The following DAP variants were observed in gnomAD, a reference collection of about 807,000 sequenced individuals.
DAP encodes death-associated protein 1.
Under a neutral mutation model 13.8 loss-of-function variants are expected in DAP, and 8 were observed. The ratio of observed to expected loss-of-function variants is 0.58; its 90% confidence interval spans 0.34 to 1.05. The LOEUF (loss-of-function observed/expected upper bound fraction) is 1.05. Ranked by LOEUF, DAP falls within the 50% of genes least tolerant of loss-of-function variation. The probability of loss-of-function intolerance (pLI) is 0.03; values close to 1 mark genes in which losing one functional copy is unlikely to be tolerated. For missense variants in DAP, 106 were observed against 133.2 expected, an observed-to-expected ratio of 0.80 and a Z score of 1.01; for synonymous variants, 47 against 47.5, an observed-to-expected ratio of 0.99 and a Z score of 0.04.
chr5:10,715,756 G>C (rs1447671051), intron 2 of DAP, among the ~76,000 whole-genome samples: 1 of 152,222 alleles, frequency 6.6e-6, no homozygotes, highest in African/African-American at 2.4e-5. Flanking sequence ...TAGGCAGGGA[G>C]GCTGTTAGCC....
chr5:10,752,682 A>G (rs1246503081), intron 1 of DAP, among the ~76,000 whole-genome samples: 2 of 152,186 alleles, frequency 1.3e-5, no homozygotes, highest in African/African-American at 4.8e-5. Context: ...AAGTGTGTGC[A>G]CATGTGTGCA....
At chr5:10,713,643 C>T (rs1293934416) in intron 2 of DAP, among the ~76,000 whole-genome samples, 1 of 152,224 alleles carries the variant, frequency 6.6e-6, no homozygotes, top group Non-Finnish European at 1.5e-5. Flanking sequence ...CCCAAGTCTC[C>T]TGCCCCAAGC....
chr5:10,714,538 T>C (rs988974906), intron 2 of DAP, among the ~76,000 whole-genome samples: 2 of 151,956 alleles, frequency 1.3e-5, no homozygotes, highest in Non-Finnish European at 2.9e-5. Context: ...GTAATACAAA[T>C]AAAAACAAAG....
intron 2 of DAP, among the ~76,000 whole-genome samples, chr5:10,685,844 T>C (rs1387854435): frequency 6.6e-6 from 1 of 152,198 alleles, no homozygotes; most frequent in Non-Finnish European, 1.5e-5. Flanking sequence ...GGGAATTAGC[T>C]TCCTCACCAA....
intron 2 of DAP, among the ~76,000 whole-genome samples, chr5:10,740,514 T>C (rs1345430013): frequency 6.6e-6 from 1 of 151,992 alleles, no homozygotes; most frequent in Non-Finnish European, 1.5e-5. Flanking sequence ...AAAACAGAAA[T>C]AAAGAGAAAA....
intron 2 of DAP, among the ~76,000 whole-genome samples, chr5:10,717,227 T>C (rs1739012700): frequency 6.6e-6 from 1 of 152,172 alleles, no homozygotes; most frequent in Admixed American, 6.5e-5. Flanking sequence ...GAACCTCAAA[T>C]CTGCTAAGAT....
At chr5:10,700,821 C>G (rs1251180069) in intron 2 of DAP, among the ~76,000 whole-genome samples, 1 of 152,234 alleles carries the variant, frequency 6.6e-6, no homozygotes, top group African/African-American at 2.4e-5. Flanking sequence ...ACCCAGGGCC[C>G]TTGTTTCTCT....
chr5:10,737,728 T>G (rs1285267561), intron 2 of DAP, among the ~76,000 whole-genome samples: 1 of 152,214 alleles, frequency 6.6e-6, no homozygotes, highest in Non-Finnish European at 1.5e-5. Context: ...AAAATTGCTA[T>G]AGATCACCAT....
chr5:10,733,046 C>T (rs967977225), intron 2 of DAP, among the ~76,000 whole-genome samples: 13 of 152,120 alleles, frequency 8.5e-5, no homozygotes, highest in Admixed American at 8.5e-4. Context: ...TCATGCAGTA[C>T]TTTTCCTTTG....
intron 2 of DAP, among the ~76,000 whole-genome samples, chr5:10,721,957 G>A (rs1046735993): frequency 6.6e-6 from 1 of 152,186 alleles, no homozygotes; most frequent in African/African-American, 2.4e-5. Flanking sequence ...CTAATCTTAT[G>A]TAATAGTATT....
At chr5:10,755,982 T>C (rs571550404) in intron 1 of DAP, among the ~76,000 whole-genome samples, 4 of 152,332 alleles carry the variant, frequency 2.6e-5, no homozygotes, top group Middle Eastern at 3.4e-3. Flanking sequence ...ACCTTGTGTC[T>C]ACACAAAATA....
intron 1 of DAP, among the ~76,000 whole-genome samples, chr5:10,757,799 G>A (rs751023569): frequency 4.1e-4 from 63 of 152,110 alleles, no homozygotes; most frequent in Non-Finnish European, 6.8e-4. Context: ...GTGTGGGCCC[G>A]GTTTGCTATG....
intron 1 of DAP, among the ~76,000 whole-genome samples, chr5:10,760,797 T>TCGC (rs1740324250): frequency 6.6e-6 from 1 of 152,022 alleles, no homozygotes; most frequent in Non-Finnish European, 1.5e-5. Flanking sequence ...AAGAAACGCT[T>TCGC]CGCCGCCGCC....
intron 1 of DAP, among the ~76,000 whole-genome samples, chr5:10,755,276 A>C (rs538260464): frequency 7.2e-5 from 11 of 152,322 alleles, no homozygotes; most frequent in African/African-American, 2.4e-4. Context: ...AAAAGGCAAG[A>C]AAATGGGATT....
intron 1 of DAP, among the ~76,000 whole-genome samples, chr5:10,754,741 C>T (rs1181369305): frequency 6.6e-6 from 1 of 152,112 alleles, no homozygotes; most frequent in African/African-American, 2.4e-5. Context: ...GGATCGGCTG[C>T]CTGGAAGTGC....
chr5:10,687,905 C>CTTTTTTTTTT (rs1199947263), intron 2 of DAP, among the ~76,000 whole-genome samples: 1 of 110,666 alleles, frequency 9.0e-6, no homozygotes, highest in African/African-American at 3.8e-5. Context: ...TCATTGTTGT[C>CTTTTTTTTTT]TTTTTTTTTT....
chr5:10,721,106 A>C (rs1271334998), intron 2 of DAP, among the ~76,000 whole-genome samples: 1 of 152,168 alleles, frequency 6.6e-6, no homozygotes, highest in Non-Finnish European at 1.5e-5. Context: ...TTACAACACT[A>C]ACTAGGTGAC....
rs569118221 is a variant in DAP, at chr5:10,754,320, G to A, written c.56-6049C>T. Among the ~76,000 whole-genome samples, 13 of 152,282 alleles carry A rather than the reference G, an allele frequency of 8.5e-5. No individual in the cohort carries two copies. In the South Asian group the frequency reaches 2.3e-3, roughly 27 times the overall value. On this transcript the variant is annotated intron_variant, in intron 1 of 3. Transcript: ENST00000230895. ...AGTGGAGCCCTTACAGGAGCTTTCA[G>A]GTGTGCATAGATAAGGTAGAAGTAA... is the stretch of plus-strand genomic sequence containing the variant.
At chr5:10,687,088 C>T (rs115565596) in intron 2 of DAP, among the ~76,000 whole-genome samples, 2,817 of 152,276 alleles carry the variant, frequency 0.018, 52 homozygotes, top group Non-Finnish European at 0.027. Context: ...GCCTGGATGA[C>T]GGCACATTGG....
Sources: allele counts gnomAD v4.1 joint callset (sites outside exome capture counted in the v4.1 genomes callset), GRCh38; gene constraint gnomAD v4.1.1; transcripts MANE v1.5; gene names NCBI Gene and HGNC (gene_info 2026-07-23, HGNC 2026-07-21).